SEMA5B: variants seen among roughly 807,000 people sequenced by gnomAD.
SEMA5B encodes the protein semaphorin 5B, also known as semaphorin-5B.
In SEMA5B, 66 loss-of-function variants were observed where a neutral mutation model predicts 135.0. The ratio of observed to expected loss-of-function variants is 0.49; its 90% CI spans 0.40 to 0.60. The LOEUF (loss-of-function observed/expected upper bound fraction) is 0.60, where lower values mean the gene tolerates loss of function less well. Among genes scored for constraint, SEMA5B ranks in the 20% least tolerant of loss-of-function variants. The pLI is 0.00. For missense variants in SEMA5B, 1,501 were observed against 1,566.3 expected, an observed-to-expected ratio of 0.96 and a Z score of 0.70; for synonymous variants, 690 against 639.5, an observed-to-expected ratio of 1.08 and a Z score of -1.19.
intron 5 of SEMA5B, among the ~76,000 whole-genome samples, chr3:122,938,990 A>T (rs1939431868): frequency 6.6e-6 from 1 of 152,148 alleles, no homozygotes; most frequent in African/African-American, 2.4e-5. Context: ...AACTAGGAAC[A>T]CCCTTTCCGT....
At chr3:122,943,650 CCGGG>C in intron 3 of SEMA5B, 115 bp from the exon 4 acceptor site, 7 of 717,734 alleles carry the variant, frequency 9.8e-6, no homozygotes, top group Non-Finnish European at 1.6e-5. Flanking sequence ...GCGGTGGCAC[CCGGG>C]AGACCTGGTG....
intron 5 of SEMA5B, among the ~76,000 whole-genome samples, chr3:122,937,147 CG>C (rs150375947): frequency 0.023 from 3,443 of 152,272 alleles, 135 homozygotes; most frequent in African/African-American, 0.079. Flanking sequence ...GGAAGCTGGG[CG>C]GGGGCACCCT....
At chr3:122,990,670 G>C (rs568359508) in intron 1 of SEMA5B, among the ~76,000 whole-genome samples, 1 of 152,058 alleles carries the variant, frequency 6.6e-6, no homozygotes, top group Non-Finnish European at 1.5e-5. Context: ...GTTCTGGAAG[G>C]TCTCCTTCAT....
chr3:122,952,214 C>A (rs1015324972), intron 2 of SEMA5B, among the ~76,000 whole-genome samples: 2 of 152,184 alleles, frequency 1.3e-5, no homozygotes, highest in African/African-American at 4.8e-5. Flanking sequence ...ATTTTTCACA[C>A]CGTCACTCAC....
In SEMA5B at chr3:122,943,501, A is replaced by G. The variant is rs1325841092; in HGVS notation, c.363T>C (p.Pro121=). 9.9e-6 allele frequency: 16 copies of G among 1,610,082 alleles called. No individual in the cohort carries two copies. In the South Asian group the frequency reaches 1.7e-4, roughly 17 times the overall value. The part of the protein sequence containing the change: ...LQPWVSNFTY[P]GARDFSQLAL... ...CCAGCTGGGAGAAATCCCGGGCTCC[A>G]GGGTAGGTGAAGTTAGAGACCCACG... The change falls in exon 4 of 23, where the codon CCT becomes CCC. Residue 121 remains proline (P), a synonymous_variant. Transcript: ENST00000357599.
At chr3:123,002,695 G>A (rs2120804) in intron 1 of SEMA5B, among the ~76,000 whole-genome samples, 29,144 of 152,210 alleles carry the variant, frequency 0.19, 3,544 homozygotes, top group Non-Finnish European at 0.27. Flanking sequence ...AGTCATTCAC[G>A]TCTCAGCAAA....
chr3:122,932,243 ATTTTTT>A lies in SEMA5B; in HGVS notation c.475-3191_475-3186del, dbSNP rs71136597. On this transcript the variant is annotated intron_variant, in intron 5 of 22. Coordinates refer to ENST00000357599, the MANE Select transcript of SEMA5B (RefSeq NM_001031702.4). ...GGTCTTACACATCCCTCTCAATATG[ATTTTTT>A]TTTTTTTTTTTTTTTTTTTTTGGAG... Among the ~76,000 whole-genome samples the A allele has an allele frequency of 2.9e-4, 25 of 85,394 alleles. No homozygotes were observed. In the East Asian group the frequency reaches 6.3e-3, roughly 22 times the overall value. 56.0% of individuals were successfully genotyped at this position (85,394 alleles called of 152,430 possible).
At position 123,019,767 on chromosome 3, in the gene SEMA5B, G is replaced by A. The variant is rs568723963; in HGVS notation, c.-39+7697C>T. Among the ~76,000 whole-genome samples the A allele has an allele frequency of 7.9e-5, 12 of 152,292 alleles. No homozygotes were observed. In the South Asian group the frequency reaches 1.2e-3, roughly 16 times the overall value. ...GTTATGGTTCAGGGGCTGGAGGTAC[G>A]AAGATGAAAGGGCTGAGCAGGTGAA... On this transcript the variant is annotated intron_variant, in intron 1 of 22. Transcript: ENST00000357599.
intron 1 of SEMA5B, among the ~76,000 whole-genome samples, chr3:123,007,896 A>T (rs1942349402): frequency 6.6e-6 from 1 of 152,252 alleles, no homozygotes; most frequent in South Asian, 2.1e-4. Context: ...GTATACTCCA[A>T]TATAGTATAA....
At chr3:122,933,746 TTTG>T (rs1190052061) in intron 5 of SEMA5B, among the ~76,000 whole-genome samples, 1 of 152,190 alleles carries the variant, frequency 6.6e-6, no homozygotes, top group Non-Finnish European at 1.5e-5. Context: ...TCATTTCTTT[TTTG>T]TTGTTCTGGT....
intron 1 of SEMA5B, among the ~76,000 whole-genome samples, chr3:123,004,759 C>T (rs1198857567): frequency 1.3e-5 from 2 of 152,212 alleles, no homozygotes; most frequent in African/African-American, 4.8e-5. Context: ...CACCTCATTT[C>T]CGGTGAACAA....
rs367818031 is a variant in SEMA5B at position 122,913,271 on chromosome 3, G to T, written c.2434C>A (p.Leu812Met). 6.3e-7 allele frequency: 1 copy of T among 1,584,464 alleles called. No individual in the cohort carries two copies. Among genetic ancestry groups the T allele is most frequent in the Non-Finnish European group, 8.5e-7 (1 of 1,173,894 alleles). Residue 812 changes from leucine (L) to methionine (M), a missense_variant, in exon 17 of 23, where the codon CTG becomes ATG. Around this residue, in one of 2 missense-constraint regions of SEMA5B, gnomAD observed 927 missense variants for 881.6 expected, o/e 1.05. Transcript: ENST00000357599. ...TCGGTCCTTCTCCTGCCGAACTGCA[G>T]GCCGTGCGGGTCTGCAAGGGGCGCG... ...CRAPLADPHG[L>M]QFGRRRTETR...
chr3:123,020,882 G>T (rs1942659694), intron 1 of SEMA5B, among the ~76,000 whole-genome samples: 1 of 152,218 alleles, frequency 6.6e-6, no homozygotes, highest in Non-Finnish European at 1.5e-5. Context: ...CCACTTCACA[G>T]CCCTCTTCTC....
At chr3:122,971,954 C>T (rs1388944379) in intron 1 of SEMA5B, among the ~76,000 whole-genome samples, 2 of 152,228 alleles carry the variant, frequency 1.3e-5, no homozygotes, top group Non-Finnish European at 2.9e-5. Flanking sequence ...ACAACTTCTT[C>T]ACAGACTTGT....
At chr3:122,987,617 G>A (rs908192214) in intron 1 of SEMA5B, among the ~76,000 whole-genome samples, 2 of 152,252 alleles carry the variant, frequency 1.3e-5, no homozygotes, top group African/African-American at 4.8e-5. Flanking sequence ...AAGGGCAGGA[G>A]TGTTTATGCT....
At chr3:122,960,806 G>T (rs988529784) in intron 2 of SEMA5B, among the ~76,000 whole-genome samples, 21 of 152,174 alleles carry the variant, frequency 1.4e-4, no homozygotes, top group Non-Finnish European at 2.6e-4. Context: ...AATGGTGCTT[G>T]CCTGGGGCGG....
chr3:122,932,360 A>G (rs762436086), intron 5 of SEMA5B, among the ~76,000 whole-genome samples: 30 of 147,852 alleles, frequency 2.0e-4, no homozygotes, highest in Non-Finnish European at 3.6e-4. Flanking sequence ...TGTTAGTCCA[A>G]ACTGCACCAT....
chr3:122,961,440 A>T, intron 1 of SEMA5B, 139 bp from the exon 2 acceptor site: 4 of 772,994 alleles, frequency 5.2e-6, no homozygotes, highest in Middle Eastern at 2.9e-4. Flanking sequence ...TTAACAAATC[A>T]CCACAGTAAT....
chr3:122,955,127 A>T (rs1331219953), intron 2 of SEMA5B, among the ~76,000 whole-genome samples: 2 of 145,884 alleles, frequency 1.4e-5, no homozygotes, highest in African/African-American at 2.5e-5. Context: ...TTTTTTTTTT[A>T]GACCGTGTCT....
Sources: allele counts gnomAD v4.1 joint callset (sites outside exome capture counted in the v4.1 genomes callset), GRCh38; gene constraint gnomAD v4.1.1; regional missense constraint gnomAD v4.1.1; transcripts MANE v1.5; gene names NCBI Gene and HGNC (gene_info 2026-07-23, HGNC 2026-07-21).